The following BRWD3 variants were observed in gnomAD, a reference collection of about 807,000 sequenced individuals.
BRWD3 encodes the protein bromodomain and WD repeat domain containing 3, also known as bromodomain and WD repeat-containing protein 3.
BRWD3 carries 10 observed loss-of-function variants against 149.7 expected under a neutral mutation model. The observed-to-expected ratio is 0.07, with a 90% CI of 0.04 to 0.11. The LOEUF is 0.11. BRWD3 is among the 10% of genes least tolerant of loss of function. BRWD3 has a pLI of 1.00. For synonymous variants in BRWD3, 504 were observed against 456.7 expected, an observed-to-expected ratio of 1.10 and a Z score of -1.32; for missense variants, 940 against 1,373.2, an observed-to-expected ratio of 0.68 and a Z score of 4.99.
chrX:80,741,912 TAA>T (rs1473082333), intron 8 of BRWD3, among the ~76,000 whole-genome samples: 5 of 111,876 alleles, frequency 4.5e-5, no homozygotes, highest in Non-Finnish European at 7.5e-5. Context: ...CTCTTTAGTT[TAA>T]TTAGATCGCA....
At position 80,768,789 on chromosome X, in the gene BRWD3, T is replaced by C. The variant is rs200693743; in HGVS notation, c.431-23060A>G. 1.8e-4 allele frequency among the ~76,000 whole-genome samples: 20 copies of C among 110,295 alleles called. No homozygotes were observed. In the East Asian group the frequency reaches 5.7e-3, roughly 31 times the overall value. ...TAATTGAAAGACACAGACTGGCAAA[T>C]TGTATAAAGAGTCAAGACCAATCAG... On this transcript the variant is annotated intron_variant, in intron 6 of 40. Coordinates refer to ENST00000373275, the MANE Select transcript of BRWD3 (RefSeq NM_153252.5).
chrX:80,761,541 A>G (rs1321649574), intron 6 of BRWD3, among the ~76,000 whole-genome samples: 2 of 111,925 alleles, frequency 1.8e-5, no homozygotes, highest in African/African-American at 6.5e-5. Context: ...TTAAGGTTTA[A>G]TATTTTACAT....
Position 80,754,149 on chromosome X carries a change from GCA to G in BRWD3, c.431-8422_431-8421del, listed in dbSNP as rs766363097. On this transcript the variant is annotated intron_variant, in intron 6 of 40. Coordinates refer to ENST00000373275, the MANE Select transcript of BRWD3 (RefSeq NM_153252.5). ...CAATATTGTTTTTTACAGTCCATGA[GCA>G]CAGGCTATTTTTCTACTTGTTTGTG... Among the ~76,000 whole-genome samples the G allele has an allele frequency of 6.2e-5, 7 of 112,132 alleles. No individual in the cohort carries two copies. In the South Asian group the frequency reaches 2.6e-3, roughly 41 times the overall value.
At chrX:80,735,371 C>T (rs1310004238) in intron 9 of BRWD3, among the ~76,000 whole-genome samples, 174 bp from the exon 10 acceptor site, 1 of 111,534 alleles carries the variant, frequency 9.0e-6, no homozygotes, top group African/African-American at 3.3e-5. Context: ...TTTAACCTTG[C>T]AAATATACTT....
chrX:80,696,893 C>T lies in BRWD3; in HGVS notation c.2944-30G>A, dbSNP rs201024289. 7.3e-6 allele frequency: 8 copies of T among 1,089,475 alleles called. No homozygotes were observed. The African/African-American group carries it at 1.1e-4, about 15-fold the overall frequency. 89.8% of individuals were successfully genotyped at this position (1,089,475 alleles called of 1,213,427 possible). A position where few individuals can be genotyped will look rare whatever the true frequency, so the allele number is the denominator to read the frequency against. Reference sequence around the variant, plus strand: ...TCATGAGAATACCAATAAATTATTACTTTCAATATAATTACTTAACATTTG... The same window carrying T: ...TCATGAGAATACCAATAAATTATTATTTTCAATATAATTACTTAACATTTG... On this transcript the variant is annotated intron_variant, in intron 25 of 40. Coordinates refer to ENST00000373275, the MANE Select transcript of BRWD3 (RefSeq NM_153252.5).
chrX:80,740,973 A>G (rs887523402), intron 8 of BRWD3, among the ~76,000 whole-genome samples: 1 of 111,096 alleles, frequency 9.0e-6, no homozygotes, highest in Non-Finnish European at 1.9e-5. Context: ...GGTTTGTTAC[A>G]TACGTATACA....
intron 6 of BRWD3, among the ~76,000 whole-genome samples, chrX:80,790,402 G>C (rs937272570): frequency 9.1e-6 from 1 of 110,172 alleles, no homozygotes; most frequent in Admixed American, 9.9e-5. Context: ...TTAAACTTAA[G>C]CATCTTGAGT....
At chrX:80,688,036 C>G in intron 34 of BRWD3, 33 bp downstream of exon 34, 1 of 1,121,866 alleles carries the variant, frequency 8.9e-7, no homozygotes, top group Non-Finnish European at 1.2e-6. Flanking sequence ...AACCTGAAAA[C>G]ATATCTCCTC....
intron 6 of BRWD3, among the ~76,000 whole-genome samples, chrX:80,759,085 GTAT>G (rs746704723): frequency 8.9e-6 from 1 of 111,938 alleles, no homozygotes; most frequent in African/African-American, 3.2e-5. Context: ...AGAGTACAGT[GTAT>G]TATTTTCCTT....
Position 80,716,137 on chromosome X carries a change from T to A in BRWD3, c.2325+20A>T. The stretch of plus-strand genomic sequence containing the variant: ...TATCTGCAAATAGTGTATCCCAAAG[T>A]ATTGTAAAACTATACTTACCCTTTG... On this transcript the variant is annotated intron_variant, in intron 20 of 40. Transcript: ENST00000373275. 1 of 1,137,706 alleles carries A rather than the reference T, an allele frequency of 8.8e-7. No homozygotes were observed. The highest frequency in any genetic ancestry group is 1.2e-6 in the Non-Finnish European group (1 of 828,670). The allele number at this position is 1,137,706 out of a possible 1,213,427, so 93.8% of individuals were successfully genotyped here. A position where few individuals can be genotyped will look rare whatever the true frequency, so the allele number is the denominator to read the frequency against.
At chrX:80,756,321 G>C (rs1482979713) in intron 6 of BRWD3, among the ~76,000 whole-genome samples, 3 of 108,638 alleles carry the variant, frequency 2.8e-5, no homozygotes, top group Non-Finnish European at 5.7e-5. Flanking sequence ...GATCAACATG[G>C]AGAAACCCCG....
intron 8 of BRWD3, among the ~76,000 whole-genome samples, chrX:80,737,172 C>T (rs186596263): frequency 1.2e-4 from 13 of 111,019 alleles, no homozygotes; most frequent in African/African-American, 3.3e-4. Flanking sequence ...TATAGTCCTC[C>T]GTTGGTATCA....
rs767458650 is a variant in BRWD3 at position 80,692,547 on chromosome X, G to A, written c.3263+393C>T. Among the ~76,000 whole-genome samples the A allele has an allele frequency of 8.9e-5, 10 of 111,750 alleles. No individual in the cohort carries two copies. The Admixed American group carries it at 9.5e-4, about 11-fold the overall frequency. On this transcript the variant is annotated intron_variant, in intron 28 of 40. Coordinates refer to ENST00000373275, the MANE Select transcript of BRWD3 (RefSeq NM_153252.5). ...AACCACCTCTGCCTAGAATTCATAC[G>A]ACTAAACAAAAGACTAAGTACTAAT...
intron 6 of BRWD3, among the ~76,000 whole-genome samples, chrX:80,747,319 G>A (rs753128855): frequency 3.4e-4 from 37 of 109,205 alleles, no homozygotes; most frequent in Non-Finnish European, 5.3e-4. Context: ...TTGCTGTGGG[G>A]ACTTTCCATT....
chrX:80,791,991 G>T (rs2074187267), intron 5 of BRWD3, 39 bp from the exon 6 acceptor site: 4 of 801,732 alleles, frequency 5.0e-6, no homozygotes, highest in African/African-American at 2.1e-5. Flanking sequence ...GAATAGAGCA[G>T]TTTTTTTTTT....
chrX:80,750,429 A>G (rs1280553726), intron 6 of BRWD3, among the ~76,000 whole-genome samples: 3 of 111,231 alleles, frequency 2.7e-5, no homozygotes, highest in African/African-American at 9.8e-5. Context: ...CTGAACAAAC[A>G]TTTCTCAAAA....
intron 6 of BRWD3, among the ~76,000 whole-genome samples, chrX:80,780,400 T>C (rs2074044824): frequency 9.0e-6 from 1 of 111,610 alleles, no homozygotes; most frequent in African/African-American, 3.2e-5. Context: ...TTTCATTTTT[T>C]AAAAAGATAC....
chrX:80,767,286 C>T (rs990581578), intron 6 of BRWD3, among the ~76,000 whole-genome samples: 4 of 111,825 alleles, frequency 3.6e-5, no homozygotes, highest in African/African-American at 1.3e-4. Flanking sequence ...AACTGGGAGA[C>T]ACTTCCCATT....
intron 14 of BRWD3, among the ~76,000 whole-genome samples, chrX:80,725,784 A>G (rs981469547): frequency 1.9e-5 from 2 of 106,923 alleles, no homozygotes; most frequent in African/African-American, 6.9e-5. Context: ...ACATGCCTAT[A>G]TAACGTATAA....
Sources: gnomAD v4.1 joint callset for allele counts (sites outside exome capture counted in the v4.1 genomes callset) on GRCh38, gnomAD v4.1.1 for gene constraint, MANE v1.5 for transcripts, NCBI Gene and HGNC (gene_info 2026-07-23, HGNC 2026-07-21) for gene names.